Variants in PTPRN2 observed in about 807,000 individuals in gnomAD.
The protein encoded by PTPRN2 is protein tyrosine phosphatase receptor type N2.
In PTPRN2, 74 loss-of-function variants were observed where a neutral mutation model predicts 118.8. The ratio of observed to expected loss-of-function variants is 0.62; its 90% CI spans 0.52 to 0.76. The LOEUF (loss-of-function observed/expected upper bound fraction) is 0.76, where lower values mean the gene tolerates loss of function less well. Ranked by LOEUF, PTPRN2 falls within the 30% of genes least tolerant of loss-of-function variation. The pLI is 0.00. For missense variants in PTPRN2, 1,481 were observed against 1,394.4 expected, an observed-to-expected ratio of 1.06 and a Z score of -0.99; for synonymous variants, 641 against 608.0, an observed-to-expected ratio of 1.05 and a Z score of -0.80.
intron 19 of PTPRN2, among the ~76,000 whole-genome samples, chr7:157,574,184 C>T (rs190175956): frequency 1.6e-4 from 25 of 152,284 alleles, no homozygotes; most frequent in African/African-American, 5.8e-4. Flanking sequence ...ACTTCCACAA[C>T]AGGAATTCAC....
At chr7:158,547,541 T>C (rs1257428088) in intron 1 of PTPRN2, among the ~76,000 whole-genome samples, 1 of 152,230 alleles carries the variant, frequency 6.6e-6, no homozygotes, top group Non-Finnish European at 1.5e-5. Flanking sequence ...ACCCATGCTG[T>C]CGCAGAGGTC....
At chr7:157,846,415 C>G (rs191118131) in intron 12 of PTPRN2, among the ~76,000 whole-genome samples, 1 of 152,186 alleles carries the variant, frequency 6.6e-6, no homozygotes, top group East Asian at 1.9e-4. Flanking sequence ...AAATGACGCT[C>G]TAAAAATGCA....
intron 12 of PTPRN2, among the ~76,000 whole-genome samples, chr7:157,846,291 C>T (rs1428584354): frequency 2.0e-5 from 3 of 152,144 alleles, no homozygotes; most frequent in African/African-American, 7.2e-5. Context: ...GTAAAAAAAC[C>T]CATCTGGAAA....
chr7:157,838,262 C>G (rs111785909), intron 12 of PTPRN2, among the ~76,000 whole-genome samples: 60 of 145,360 alleles, frequency 4.1e-4, no homozygotes, highest in African/African-American at 1.5e-3. Context: ...GGAGAAAGCT[C>G]CTCTCCGCCG....
At chr7:157,586,374 C>T (rs1016039853) in intron 17 of PTPRN2, among the ~76,000 whole-genome samples, 1 of 152,202 alleles carries the variant, frequency 6.6e-6, no homozygotes, top group Non-Finnish European at 1.5e-5. Flanking sequence ...CCTCTCGCAC[C>T]AGTCACTGTC....
At chr7:157,651,571 C>T (rs544141233) in intron 14 of PTPRN2, among the ~76,000 whole-genome samples, 17 of 152,288 alleles carry the variant, frequency 1.1e-4, no homozygotes, top group Middle Eastern at 6.8e-3. Context: ...TTAGTCACAT[C>T]GGGACGGTGA....
At chr7:158,240,383 A>G (rs1795840208) in intron 3 of PTPRN2, among the ~76,000 whole-genome samples, 1 of 152,242 alleles carries the variant, frequency 6.6e-6, no homozygotes, top group African/African-American at 2.4e-5. Flanking sequence ...GAATACGACC[A>G]GGACAGCCTG....
At chr7:158,007,387 G>A (rs1008737285) in intron 11 of PTPRN2, among the ~76,000 whole-genome samples, 3 of 152,042 alleles carry the variant, frequency 2.0e-5, no homozygotes, top group African/African-American at 2.4e-5. Flanking sequence ...TTTGCTTCTC[G>A]TAAACCTCAC....
intron 3 of PTPRN2, among the ~76,000 whole-genome samples, chr7:158,299,739 C>T (rs1396331342): frequency 1.3e-5 from 2 of 152,180 alleles, no homozygotes; most frequent in Non-Finnish European, 2.9e-5. Flanking sequence ...TGCATTCATC[C>T]TTCACTGCCA....
In PTPRN2 at chr7:158,464,483, GC is replaced by G. The variant is rs1819244097; in HGVS notation, c.163+25251del. ...CATCATCCTTACCATCGCCATCATT[GC>G]CATGCCATTTAATAAATAATCCTTC... is the stretch of plus-strand genomic sequence containing the variant. On this transcript the variant is annotated intron_variant, in intron 2 of 22. Transcript: ENST00000389418. 5.0e-5 allele frequency among the ~76,000 whole-genome samples: 7 copies of G among 139,038 alleles called. No individual in the cohort carries two copies. In the South Asian group the frequency reaches 1.0e-3, roughly 20 times the overall value. The allele number at this position is 139,038 out of a possible 152,430, so 91.2% of individuals were successfully genotyped here. A position where few individuals can be genotyped will look rare whatever the true frequency, so the allele number is the denominator to read the frequency against.
At chr7:157,841,948 C>T (rs565257875) in intron 12 of PTPRN2, among the ~76,000 whole-genome samples, 185 of 152,192 alleles carry the variant, frequency 1.2e-3, no homozygotes, top group Non-Finnish European at 2.2e-3. Flanking sequence ...CTTTCTCTCC[C>T]CCATAATGCA....
At chr7:157,777,568 G>C (rs955856011) in intron 12 of PTPRN2, among the ~76,000 whole-genome samples, 1 of 152,226 alleles carries the variant, frequency 6.6e-6, no homozygotes, top group African/African-American at 2.4e-5. Flanking sequence ...TGCCTGTCAT[G>C]TCCTGTCCCC....
chr7:158,368,806 G>C (rs1809731335), intron 2 of PTPRN2, among the ~76,000 whole-genome samples: 1 of 152,222 alleles, frequency 6.6e-6, no homozygotes, highest in African/African-American at 2.4e-5. Context: ...TGTAATTTTA[G>C]GACGAGAGCT....
intron 2 of PTPRN2, among the ~76,000 whole-genome samples, chr7:158,336,488 G>T (rs375985698): frequency 8.6e-6 from 1 of 115,864 alleles, no homozygotes; most frequent in Non-Finnish European, 1.8e-5. Context: ...AAGAGCTGAC[G>T]CCCGCAGATG....
chr7:158,330,030 G>C (rs188332488), intron 2 of PTPRN2, among the ~76,000 whole-genome samples: 2 of 150,078 alleles, frequency 1.3e-5, no homozygotes, highest in South Asian at 2.1e-4. Context: ...CACCATAAGA[G>C]GTGACATCTG....
rs905418877 is a variant in PTPRN2 at position 158,131,394 on chromosome 7, G to C, written c.1556+2283C>G. ...CCGACACACACACTCATACACACAC[G>C]TATATACAAACCAATACACATCTAC... On this transcript the variant is annotated intron_variant, in intron 9 of 22. Transcript: ENST00000389418. Among the ~76,000 whole-genome samples, 2 of 104,688 alleles carry C rather than the reference G, an allele frequency of 1.9e-5. 1 individual carries two copies. The highest frequency in any genetic ancestry group is 7.8e-5 in the African/African-American group (2 of 25,722). The allele number at this position is 104,688 out of a possible 152,430, so 68.7% of individuals were successfully genotyped here. A position where few individuals can be genotyped will look rare whatever the true frequency, so the allele number is the denominator to read the frequency against.
intron 12 of PTPRN2, among the ~76,000 whole-genome samples, chr7:157,762,836 G>A (rs946090598): frequency 1.3e-5 from 2 of 152,188 alleles, no homozygotes; most frequent in Non-Finnish European, 2.9e-5. Flanking sequence ...TGCAGGGAGG[G>A]GTATCAGGGC....
At chr7:157,827,316 G>A (rs911683682) in intron 12 of PTPRN2, among the ~76,000 whole-genome samples, 14 of 151,988 alleles carry the variant, frequency 9.2e-5, no homozygotes, top group African/African-American at 1.9e-4. Flanking sequence ...TTCCTGCAGC[G>A]GTTTTGAGAG....
chr7:158,317,548 A>G (rs1484221685), intron 2 of PTPRN2, among the ~76,000 whole-genome samples: 1 of 152,222 alleles, frequency 6.6e-6, no homozygotes, highest in Non-Finnish European at 1.5e-5. Context: ...CTTTCCAACC[A>G]CACCTTCTAA....
Sources: gnomAD v4.1 joint callset for allele counts (sites outside exome capture counted in the v4.1 genomes callset) on GRCh38, gnomAD v4.1.1 for gene constraint, MANE v1.5 for transcripts, NCBI Gene and HGNC (gene_info 2026-07-23, HGNC 2026-07-21) for gene names.